LARGE1: variants seen among roughly 807,000 people sequenced by gnomAD.
LARGE1 encodes the protein LARGE xylosyl- and glucuronyltransferase 1.
Under a neutral mutation model 87.6 loss-of-function variants are expected in LARGE1, and 43 were observed. That is an observed-to-expected ratio of 0.49 (90% CI 0.38 to 0.63). LARGE1 has a LOEUF of 0.63. Ranked by LOEUF, LARGE1 falls within the 30% of genes least tolerant of loss-of-function variation. The probability of loss-of-function intolerance (pLI) is 0.00; values close to 1 mark genes in which losing one functional copy is unlikely to be tolerated. For missense variants in LARGE1, 802 were observed against 1,000.2 expected, an observed-to-expected ratio of 0.80 and a Z score of 2.67; for synonymous variants, 434 against 394.6, an observed-to-expected ratio of 1.10 and a Z score of -1.18.
intron 4 of LARGE1, among the ~76,000 whole-genome samples, chr22:33,605,990 G>A (rs2079243393): frequency 2.0e-5 from 3 of 152,194 alleles, no homozygotes; most frequent in Non-Finnish European, 4.4e-5. Flanking sequence ...TGCAATCTGA[G>A]GAGAGCAACA....
chr22:33,554,718 C>T (rs1000532963), intron 6 of LARGE1, among the ~76,000 whole-genome samples: 2 of 152,170 alleles, frequency 1.3e-5, no homozygotes, highest in Non-Finnish European at 2.9e-5. Flanking sequence ...ACACATCAGC[C>T]AAAGGGATCT....
intron 11 of LARGE1, chr22:33,305,571 T>C (rs1934765757): frequency 1.0e-6 from 1 of 985,242 alleles, no homozygotes; most frequent in Non-Finnish European, 1.2e-6. Context: ...CTGGTCAGAA[T>C]GCCCACTTTA....
At chr22:33,535,401 G>A (rs565446536) in intron 6 of LARGE1, among the ~76,000 whole-genome samples, 4 of 152,290 alleles carry the variant, frequency 2.6e-5, no homozygotes, top group African/African-American at 9.6e-5. Context: ...AAATTTGCTG[G>A]ATGTGGTGGC....
At chr22:33,190,076 C>G (rs1472763921) in intron 11 of LARGE1, among the ~76,000 whole-genome samples, 1 of 152,140 alleles carries the variant, frequency 6.6e-6, no homozygotes, top group African/African-American at 2.4e-5. Context: ...TAGCAGTAAG[C>G]AATGAGAATA....
At chr22:33,550,131 A>G (rs182293887) in intron 6 of LARGE1, among the ~76,000 whole-genome samples, 1,611 of 148,546 alleles carry the variant, frequency 0.011, 23 homozygotes, top group African/African-American at 0.037. Flanking sequence ...TGTACCCTAG[A>G]ACTTAAAGTA....
chr22:33,641,486 C>G (rs372454575), intron 3 of LARGE1, among the ~76,000 whole-genome samples: 2 of 152,118 alleles, frequency 1.3e-5, no homozygotes, highest in Non-Finnish European at 2.9e-5. Flanking sequence ...CCCAAATGAT[C>G]GCAACTCCTC....
At chr22:33,918,866 A>C (rs1601917081) in intron 1 of LARGE1, among the ~76,000 whole-genome samples, 1 of 149,158 alleles carries the variant, frequency 6.7e-6, no homozygotes, top group African/African-American at 2.5e-5. Flanking sequence ...CCCACCTGCC[A>C]CCCCCTCCGT....
intron 11 of LARGE1, among the ~76,000 whole-genome samples, chr22:33,203,074 TC>T (rs1924482229): frequency 1.0e-4 from 6 of 58,776 alleles, no homozygotes; most frequent in Admixed American, 7.7e-4. Flanking sequence ...AAACTCTCTC[TC>T]TCTCTCTCTC....
intron 1 of LARGE1, among the ~76,000 whole-genome samples, chr22:33,831,749 T>TAC (rs5845118): frequency 0.058 from 8,570 of 146,794 alleles, 287 homozygotes; most frequent in African/African-American, 0.1. Flanking sequence ...CACATGCATG[T>TAC]ACACACACAC....
intron 9 of LARGE1, among the ~76,000 whole-genome samples, chr22:33,352,928 A>C (rs1449460769): frequency 6.6e-6 from 1 of 152,210 alleles, no homozygotes; most frequent in Non-Finnish European, 1.5e-5. Context: ...CAGATTGAGA[A>C]TACCAATAAG....
chr22:33,845,056 G>C (rs1213017495), intron 1 of LARGE1, among the ~76,000 whole-genome samples: 1 of 151,700 alleles, frequency 6.6e-6, no homozygotes, highest in Non-Finnish European at 1.5e-5. Context: ...CCCCCTTTTT[G>C]TCCCCAATAA....
intron 8 of LARGE1, among the ~76,000 whole-genome samples, chr22:33,383,437 G>C (rs901493434): frequency 6.6e-6 from 1 of 152,074 alleles, no homozygotes; most frequent in Non-Finnish European, 1.5e-5. Flanking sequence ...CTGCACGCCT[G>C]TAATCCTAGC....
At chr22:33,101,218 C>G in the LARGE1 span, among the ~76,000 whole-genome samples, 1 of 152,098 alleles carries the variant, frequency 6.6e-6, no homozygotes, top group Admixed American at 6.5e-5. Flanking sequence ...GGGTATTATC[C>G]TCACCGTTCC....
intron 3 of LARGE1, among the ~76,000 whole-genome samples, chr22:33,630,610 C>T (rs750220865): frequency 5.9e-5 from 9 of 152,032 alleles, no homozygotes; most frequent in Non-Finnish European, 1.2e-4. Context: ...AAAAATGGTA[C>T]ACCTGTATAG....
intron 3 of LARGE1, among the ~76,000 whole-genome samples, chr22:33,628,011 G>A (rs2413196): frequency 0.4 from 61,286 of 151,846 alleles, 14,313 homozygotes; most frequent in East Asian, 0.58. Context: ...CTCAGCTCCC[G>A]TATGCACTCT....
At chr22:33,314,350 T>C (rs1402235513) in intron 11 of LARGE1, among the ~76,000 whole-genome samples, 1 of 152,172 alleles carries the variant, frequency 6.6e-6, no homozygotes, top group African/African-American at 2.4e-5. Flanking sequence ...TTTGCTTGCA[T>C]GTGGCGGGAC....
intron 11 of LARGE1, among the ~76,000 whole-genome samples, chr22:33,167,928 A>G (rs76328527): frequency 0.014 from 2,188 of 152,316 alleles, 58 homozygotes; most frequent in African/African-American, 0.048. Context: ...GCATACCCCA[A>G]TTAACAAAAT....
rs1218378036 is a variant in LARGE1 at position 33,273,277 on chromosome 22, C to A, written c.*1150G>T. Reference sequence around the variant, plus strand: ...ATCTGTGTGAAGGTGAAGGTGGTTGCCTACCCTTGGACAGGTCCCAAAGGG... The same window carrying A: ...ATCTGTGTGAAGGTGAAGGTGGTTGACTACCCTTGGACAGGTCCCAAAGGG... On this transcript the variant is annotated 3_prime_UTR_variant, in exon 15 of 15. Coordinates refer to ENST00000397394, the MANE Select transcript of LARGE1 (RefSeq NM_133642.5). 4.8e-5 allele frequency: 19 copies of A among 397,794 alleles called. No homozygotes were observed. The East Asian group carries it at 6.4e-4, about 13-fold the overall frequency. The allele number at this position is 397,794 out of a possible 1,614,324, so 24.6% of individuals were successfully genotyped here. A position where few individuals can be genotyped will look rare whatever the true frequency, so the allele number is the denominator to read the frequency against.
intron 1 of LARGE1, among the ~76,000 whole-genome samples, chr22:33,819,081 G>T (rs1348881615): frequency 6.6e-6 from 1 of 152,100 alleles, no homozygotes; most frequent in Non-Finnish European, 1.5e-5. Flanking sequence ...AACTTCAAAG[G>T]CCACCAGTTT....
Sources: allele counts gnomAD v4.1 joint callset (sites outside exome capture counted in the v4.1 genomes callset), GRCh38; gene constraint gnomAD v4.1.1; transcripts MANE v1.5; gene names NCBI Gene and HGNC (gene_info 2026-07-23, HGNC 2026-07-21).